SLC30A10: variants seen among roughly 807,000 people sequenced by gnomAD.
SLC30A10 encodes the protein calcium/manganese antiporter SLC30A10.
SLC30A10 carries 8 observed loss-of-function variants against 21.7 expected under a neutral mutation model. The observed-to-expected ratio is 0.37, with a 90% CI of 0.22 to 0.67. The LOEUF is 0.67. SLC30A10 is among the 30% of genes least tolerant of loss of function. SLC30A10 has a pLI of 0.58. For synonymous variants in SLC30A10, 272 were observed against 279.4 expected (o/e 0.97, Z 0.26); for missense variants, 521 against 642.5 (o/e 0.81, Z 2.04).
chr1:219,943,914 A>G (rs1660150607), intron 1 of SLC30A10, among the ~76,000 whole-genome samples: 1 of 152,052 alleles, frequency 6.6e-6, no homozygotes, highest in Non-Finnish European at 1.5e-5. Context: ...CCTGGCTAAC[A>G]TGATGAAACC....
intron 2 of SLC30A10, among the ~76,000 whole-genome samples, chr1:219,925,541 A>G (rs1217742197): frequency 2.0e-5 from 3 of 149,998 alleles, no homozygotes; most frequent in Admixed American, 1.3e-4. Context: ...CTCAAAGAAG[A>G]AAAAAAATGA....
At chr1:219,921,921 CAGAGAG>C (rs57806725) in intron 2 of SLC30A10, among the ~76,000 whole-genome samples, 21 of 137,832 alleles carry the variant, frequency 1.5e-4, no homozygotes, top group Non-Finnish European at 2.7e-4. Flanking sequence ...GAGAGAGAGA[CAGAGAG>C]AGAGAGAGAG....
Position 219,911,063 on chromosome 1 carries a change from T to G in SLC30A10, c.*4386A>C. On this transcript the variant is annotated 3_prime_UTR_variant, in exon 4 of 4. Transcript: ENST00000366926. The stretch of plus-strand genomic sequence containing the variant: ...CGTGACACTTTATCAGGTGCATGAC[T>G]TCTATAGAGCAGGCATGCAGTCCGC... Among the ~76,000 whole-genome samples the G allele has an allele frequency of 6.6e-6, 1 of 151,018 alleles. No individual in the cohort carries two copies. Among genetic ancestry groups the G allele is most frequent in the East Asian group, 1.9e-4 (1 of 5,152 alleles).
upstream of SLC30A10, among the ~76,000 whole-genome samples, chr1:219,931,696 G>T (rs1659971975): frequency 6.6e-6 from 1 of 152,134 alleles, no homozygotes; most frequent in Non-Finnish European, 1.5e-5. Flanking sequence ...GGCCAAGCTG[G>T]TCTCGAACTC....
rs1553311741 is a variant in SLC30A10, at chr1:219,911,149, G to GTTTTTTTTTTGTTTTTT, written c.*4299_*4300insAAAAAACAAAAAAAAAA. ...ATGTTTCTTCATTTTTTCTACATCAGTTTTTTTTTTTTTTTTTTTTTTTTT... is the reference window on the plus strand; with the variant it reads ...ATGTTTCTTCATTTTTTCTACATCAGTTTTTTTTTTGTTTTTTTTTTTTTTTTTTTTTTTTTTTTTTT... On this transcript the variant is annotated 3_prime_UTR_variant, in exon 4 of 4. Coordinates refer to ENST00000366926, the MANE Select transcript of SLC30A10 (RefSeq NM_018713.3). Among the ~76,000 whole-genome samples the GTTTTTTTTTTGTTTTTT allele has an allele frequency of 1.5e-3, 74 of 49,430 alleles. No individual in the cohort carries two copies. Among genetic ancestry groups the GTTTTTTTTTTGTTTTTT allele is most frequent in the East Asian group, 2.5e-3 (3 of 1,184 alleles). 32.4% of individuals were successfully genotyped at this position (49,430 alleles called of 152,430 possible). A position where few individuals can be genotyped will look rare whatever the true frequency, so the allele number is the denominator to read the frequency against.
intron 2 of SLC30A10, among the ~76,000 whole-genome samples, chr1:219,925,652 T>TATATATATATATATA (rs1491117690): frequency 1.0e-2 from 371 of 37,286 alleles, no homozygotes; most frequent in Middle Eastern, 0.018. Context: ...TATATATATA[T>TATATATATATATATA]TTTTTTTTTT....
At chr1:219,931,625 T>C (rs987930272), upstream of SLC30A10, among the ~76,000 whole-genome samples, 3 of 151,982 alleles carry the variant, frequency 2.0e-5, no homozygotes, top group Admixed American at 2.0e-4. Context: ...GGACTACAAG[T>C]GTGCACCACC....
intron 2 of SLC30A10, among the ~76,000 whole-genome samples, chr1:219,922,506 A>G (rs1431959045): frequency 6.6e-6 from 1 of 151,992 alleles, no homozygotes; most frequent in African/African-American, 2.4e-5. Flanking sequence ...GACTCGTGGG[A>G]AACTGAAGAT....
intron 2 of SLC30A10, among the ~76,000 whole-genome samples, chr1:219,922,806 C>T (rs1659728193): frequency 6.6e-6 from 1 of 152,160 alleles, no homozygotes; most frequent in African/African-American, 2.4e-5. Flanking sequence ...TTCTAACCAC[C>T]CATGTGATCC....
intron 1 of SLC30A10, among the ~76,000 whole-genome samples, chr1:219,946,874 T>G (rs2102544998): frequency 6.6e-6 from 1 of 152,310 alleles, no homozygotes; most frequent in African/African-American, 2.4e-5. Flanking sequence ...GGACTTTTAT[T>G]CCTTATTTCT....
upstream of SLC30A10, among the ~76,000 whole-genome samples, chr1:219,930,271 A>G (rs950547499): frequency 4.6e-5 from 7 of 152,164 alleles, no homozygotes; most frequent in African/African-American, 1.7e-4. Context: ...CAGGAGTTCA[A>G]GATCAGCCTG....
chr1:219,912,303 C>G lies in SLC30A10; in HGVS notation c.*3146G>C, dbSNP rs947017369. On this transcript the variant is annotated 3_prime_UTR_variant, in exon 4 of 4. Coordinates refer to ENST00000366926, the MANE Select transcript of SLC30A10 (RefSeq NM_018713.3). Reference sequence around the variant, plus strand: ...ATTTTATTTTCTGTCAACAATGGAGCCTGTGGGTATTCATAATGGCCCAAT... The same window carrying G: ...ATTTTATTTTCTGTCAACAATGGAGGCTGTGGGTATTCATAATGGCCCAAT... Among the ~76,000 whole-genome samples the G allele has an allele frequency of 2.0e-5, 3 of 151,554 alleles. No individual in the cohort carries two copies. Among genetic ancestry groups the G allele is most frequent in the African/African-American group, 4.9e-5 (2 of 41,198 alleles).
Position 219,922,200 on chromosome 1 carries a change from T to G in SLC30A10, c.719-3706A>C, listed in dbSNP as rs1187211353. Among the ~76,000 whole-genome samples the G allele has an allele frequency of 2.2e-3, 138 of 63,028 alleles. 2 individuals are homozygous for G. Among genetic ancestry groups the G allele is most frequent in the African/African-American group, 5.9e-3 (106 of 18,004 alleles). 41.3% of individuals were successfully genotyped at this position (63,028 alleles called of 152,430 possible). ...TGTTTTTTTTTTTTTTTTTTTTTTT[T>G]TTTTTTTTTTTTTTTTTTTTTTTTT... On this transcript the variant is annotated intron_variant, in intron 2 of 3. Coordinates refer to ENST00000366926, the MANE Select transcript of SLC30A10 (RefSeq NM_018713.3).
upstream of SLC30A10, among the ~76,000 whole-genome samples, chr1:219,929,537 T>C (rs77557222): frequency 6.6e-6 from 1 of 151,412 alleles, no homozygotes; most frequent in Non-Finnish European, 1.5e-5. Context: ...TTTTTTTTTT[T>C]GAGACAGAGT....
intron 2 of SLC30A10, among the ~76,000 whole-genome samples, chr1:219,925,044 A>G (rs1571798797): frequency 6.6e-6 from 1 of 152,204 alleles, no homozygotes; most frequent in Admixed American, 6.5e-5. Context: ...CCTGTAAACC[A>G]AAGGCCCAGC....
At chr1:219,925,033 C>T (rs1456926906) in intron 2 of SLC30A10, among the ~76,000 whole-genome samples, 5 of 152,140 alleles carry the variant, frequency 3.3e-5, no homozygotes, top group Non-Finnish European at 5.9e-5. Flanking sequence ...TGGTGTCAGT[C>T]CCTGTAAACC....
rs1558247401 is a variant in SLC30A10 at position 219,911,164 on chromosome 1, T to TTTTTTTTTTTTTTTTG, written c.*4284_*4285insCAAAAAAAAAAAAAAA. Among the ~76,000 whole-genome samples, 1 of 145,126 alleles carries TTTTTTTTTTTTTTTTG rather than the reference T, an allele frequency of 6.9e-6. No individual in the cohort carries two copies. Among genetic ancestry groups the TTTTTTTTTTTTTTTTG allele is most frequent in the African/African-American group, 2.5e-5 (1 of 40,088 alleles). On this transcript the variant is annotated 3_prime_UTR_variant, in exon 4 of 4. Coordinates refer to ENST00000366926, the MANE Select transcript of SLC30A10 (RefSeq NM_018713.3). ...TTCTACATCAGTTTTTTTTTTTTTTTTTTTTTTTTTGCAGTCTTTTACTAC... is the reference window on the plus strand; with the variant it reads ...TTCTACATCAGTTTTTTTTTTTTTTTTTTTTTTTTTTTTTTGTTTTTTTTTTGCAGTCTTTTACTAC...
upstream of SLC30A10, among the ~76,000 whole-genome samples, chr1:219,933,607 G>A (rs1164992382): frequency 1.3e-5 from 2 of 152,036 alleles, 1 homozygote; most frequent in South Asian, 4.1e-4. Context: ...AGTGGGAAAA[G>A]GTATATAAAT....
chr1:219,950,189 T>C (rs1660249048), intron 1 of SLC30A10, among the ~76,000 whole-genome samples: 1 of 152,244 alleles, frequency 6.6e-6, no homozygotes, highest in African/African-American at 2.4e-5. Context: ...GTCTAGTATA[T>C]GAGCCACATT....
Sources: gnomAD v4.1 joint callset for allele counts (sites outside exome capture counted in the v4.1 genomes callset) on GRCh38, gnomAD v4.1.1 for gene constraint, MANE v1.5 for transcripts, NCBI Gene and HGNC (gene_info 2026-07-23, HGNC 2026-07-21) for gene names.